CBLN2: variants seen among roughly 807,000 people sequenced by gnomAD.
CBLN2 encodes the protein cerebellin-2.
In CBLN2, 7 loss-of-function variants were observed where a neutral mutation model predicts 15.0. The observed-to-expected ratio is 0.47, with a 90% CI of 0.27 to 0.88. The LOEUF (loss-of-function observed/expected upper bound fraction) is 0.88. CBLN2 is among the 40% of genes least tolerant of loss of function. The pLI, the probability that CBLN2 is intolerant of heterozygous loss-of-function variation, is 0.14. For missense variants in CBLN2, 242 were observed against 304.5 expected, an observed-to-expected ratio of 0.79 and a Z score of 1.53; for synonymous variants, 149 against 135.2, an observed-to-expected ratio of 1.10 and a Z score of -0.71.
At position 72,616,305 on chromosome 18, in the gene CBLN2, A is replaced by G. The variant is rs139044784; in HGVS notation, c.15+22020T>C. 5.8e-3 allele frequency among the ~76,000 whole-genome samples: 882 copies of G among 152,302 alleles called. 7 individuals are homozygous for G. The highest frequency in any genetic ancestry group is 0.031 in the Middle Eastern group (9 of 294). Reference sequence around the variant, plus strand: ...ATGTAGAGATGATATTCCTTAATGAATATGTTCCTACTACCGTTGCCTGAA... The same window carrying G: ...ATGTAGAGATGATATTCCTTAATGAGTATGTTCCTACTACCGTTGCCTGAA... On this transcript the variant is annotated intron_variant, in intron 1 of 2. Coordinates refer to the CBLN2 transcript ENST00000581073.
intron 1 of CBLN2, among the ~76,000 whole-genome samples, chr18:72,574,307 A>T (rs1226040231): frequency 6.6e-6 from 1 of 152,064 alleles, no homozygotes; most frequent in Non-Finnish European, 1.5e-5. Context: ...CGGATTGTGC[A>T]TTTGGTGTCG....
chr18:72,551,795 C>T (rs2069193506), intron 1 of CBLN2, among the ~76,000 whole-genome samples: 1 of 152,168 alleles, frequency 6.6e-6, no homozygotes, highest in East Asian at 1.9e-4. Context: ...TATTAATTAG[C>T]ACGGCTTAAT....
At chr18:72,634,106 G>T (rs1367996599) in intron 1 of CBLN2, among the ~76,000 whole-genome samples, 4 of 151,862 alleles carry the variant, frequency 2.6e-5, no homozygotes, top group African/African-American at 7.2e-5. Flanking sequence ...TAATCTGAAA[G>T]AAGGAAATGT....
chr18:72,563,703 G>C (rs1158913607), intron 1 of CBLN2, among the ~76,000 whole-genome samples: 2 of 152,192 alleles, frequency 1.3e-5, no homozygotes, highest in African/African-American at 4.8e-5. Context: ...CACCAACCAA[G>C]AGTAGCTGTG....
At chr18:72,625,698 C>CTATATATATATATA (rs1169851043) in intron 1 of CBLN2, among the ~76,000 whole-genome samples, 1 of 46,586 alleles carries the variant, frequency 2.1e-5, no homozygotes, top group South Asian at 1.1e-3. Flanking sequence ...TATAGTATTA[C>CTATATATATATATA]TATATATATA....
upstream of CBLN2, among the ~76,000 whole-genome samples, chr18:72,546,913 G>T (rs1212043933): frequency 1.3e-5 from 2 of 152,082 alleles, no homozygotes; most frequent in East Asian, 3.9e-4. Flanking sequence ...ACCTATCTCT[G>T]AAATGCATCT....
At chr18:72,615,234 TA>T (rs1307338467) in intron 1 of CBLN2, among the ~76,000 whole-genome samples, 1 of 135,260 alleles carries the variant, frequency 7.4e-6, no homozygotes, top group African/African-American at 2.7e-5. Flanking sequence ...ACATATATAT[TA>T]TATATATAAA....
chr18:72,596,783 C>T (rs1346096677), intron 1 of CBLN2, among the ~76,000 whole-genome samples: 2 of 152,182 alleles, frequency 1.3e-5, no homozygotes, highest in Non-Finnish European at 2.9e-5. Context: ...AAATCTGCTG[C>T]CAGATGTATT....
intron 1 of CBLN2, among the ~76,000 whole-genome samples, chr18:72,570,428 T>TG (rs1289710569): frequency 1.3e-5 from 2 of 151,558 alleles, no homozygotes; most frequent in African/African-American, 2.4e-5. Flanking sequence ...TTTTTTTTTT[T>TG]TGTGGAGACA....
At chr18:72,635,494 T>C (rs907931429) in intron 1 of CBLN2, among the ~76,000 whole-genome samples, 2 of 152,286 alleles carry the variant, frequency 1.3e-5, no homozygotes, top group Admixed American at 1.3e-4. Context: ...ATTATGGCTT[T>C]CTTTTCCATA....
intron 1 of CBLN2, among the ~76,000 whole-genome samples, chr18:72,612,689 T>C (rs1394775586): frequency 3.3e-5 from 5 of 152,212 alleles, no homozygotes; most frequent in Non-Finnish European, 7.3e-5. Context: ...CTGCGGAGAT[T>C]TGTCTGATCT....
At chr18:72,636,653 T>C (rs1568138970) in intron 1 of CBLN2, among the ~76,000 whole-genome samples, 1 of 152,140 alleles carries the variant, frequency 6.6e-6, no homozygotes, top group Non-Finnish European at 1.5e-5. Flanking sequence ...TCAAAAGCAA[T>C]AGATAACACC....
Position 72,542,152 on chromosome 18 carries a change from C to A in CBLN2, c.9G>T (p.Ala3=), listed in dbSNP as rs2069119490. ...GCAGCCCGAGTGGCCCCCGGCCGGG[C>A]GCCTGCATCGGGACTGGTGGGAGGC... MQ[A]PGRGPLGLRL... is the part of the protein sequence containing the mutation. Residue 3 remains alanine (A), a synonymous_variant, in exon 3 of 5, where the codon GCG becomes GCT. Coordinates refer to ENST00000269503, the MANE Select transcript of CBLN2 (RefSeq NM_182511.4). 4 of 1,308,494 alleles carry A rather than the reference C, an allele frequency of 3.1e-6. No homozygotes were observed. Among genetic ancestry groups the A allele is most frequent in the Non-Finnish European group, 3.9e-6 (4 of 1,035,800 alleles). 81.1% of individuals were successfully genotyped at this position (1,308,494 alleles called of 1,614,324 possible).
intron 1 of CBLN2, among the ~76,000 whole-genome samples, chr18:72,557,455 A>G (rs997626922): frequency 1.4e-4 from 22 of 152,354 alleles, no homozygotes; most frequent in African/African-American, 5.3e-4. Flanking sequence ...AGGAATTGCC[A>G]CACCATCTTC....
chr18:72,595,965 TG>T (rs2069510802), intron 1 of CBLN2, among the ~76,000 whole-genome samples: 1 of 152,162 alleles, frequency 6.6e-6, no homozygotes, highest in African/African-American at 2.4e-5. Context: ...GTCTTATTTT[TG>T]TATCCTTTCA....
chr18:72,590,290 A>C (rs9958356), intron 1 of CBLN2, among the ~76,000 whole-genome samples: 1,544 of 151,950 alleles, frequency 0.01, 31 homozygotes, highest in African/African-American at 0.035. Context: ...AAAAACAAAA[A>C]AAAAAAATTA....
chr18:72,637,482 C>T (rs977442731), intron 1 of CBLN2, among the ~76,000 whole-genome samples: 2 of 152,188 alleles, frequency 1.3e-5, no homozygotes, highest in Non-Finnish European at 2.9e-5. Context: ...TTTTTCTGGG[C>T]ACAGAGGCTG....
chr18:72,623,978 C>T (rs1409860443), intron 1 of CBLN2, among the ~76,000 whole-genome samples: 1 of 152,130 alleles, frequency 6.6e-6, no homozygotes, highest in African/African-American at 2.4e-5. Context: ...CACCTGGGAC[C>T]TTCACGAGAG....
rs141867216 is a variant in CBLN2 at position 72,541,968 on chromosome 18, G to A, written c.193C>T (p.Leu65=). The A allele has an allele frequency of 4.4e-6, 7 of 1,606,922 alleles. No individual in the cohort carries two copies. Among genetic ancestry groups the A allele is most frequent in the Admixed American group, 1.7e-5 (1 of 59,898 alleles). The part of the protein sequence containing the change: ...TEPIVLEGKC[L]VVCDSSPSAD... ...GACGGGCTGGAGTCGCACACCACCA[G>A]GCACTTGCCCTCCAGCACGATGGGC... The change falls in exon 3 of 5, where the codon CTG becomes TTG. Residue 65 remains leucine, a synonymous_variant. Transcript: ENST00000269503.
Sources: gnomAD v4.1 joint callset for allele counts (sites outside exome capture counted in the v4.1 genomes callset) on GRCh38, gnomAD v4.1.1 for gene constraint, MANE v1.5 for transcripts, NCBI Gene and HGNC (gene_info 2026-07-23, HGNC 2026-07-21) for gene names.